Variants in PCDHGB4 observed in about 807,000 individuals in gnomAD.
PCDHGB4 encodes protocadherin gamma-B4.
In PCDHGB4, 38 loss-of-function variants were observed where a neutral mutation model predicts 60.5. The ratio of observed to expected loss-of-function variants is 0.63; its 90% CI spans 0.48 to 0.82. The LOEUF (loss-of-function observed/expected upper bound fraction) is 0.82, where lower values mean the gene tolerates loss of function less well. PCDHGB4 is among the 40% of genes least tolerant of loss of function. The pLI, the probability that PCDHGB4 is intolerant of heterozygous loss-of-function variation, is 0.00. For missense variants in PCDHGB4, 1,109 were observed against 1,209.6 expected, an observed-to-expected ratio of 0.92 and a Z score of 1.23; for synonymous variants, 456 against 509.7, an observed-to-expected ratio of 0.89 and a Z score of 1.42.
At chr5:141,482,606 T>G (rs2099569173) in intron 1 of PCDHGB4, among the ~76,000 whole-genome samples, 1 of 146,712 alleles carries the variant, frequency 6.8e-6, no homozygotes, top group African/African-American at 2.6e-5. Context: ...AAAAAACACC[T>G]AAATGAGCCT....
chr5:141,444,463 G>A (rs570185430), intron 1 of PCDHGB4, among the ~76,000 whole-genome samples: 10 of 152,026 alleles, frequency 6.6e-5, no homozygotes, highest in Admixed American at 1.3e-4. Context: ...GAGTCACTGC[G>A]CCCGGTCGCG....
chr5:141,413,962 AC>A, intron 1 of PCDHGB4: 1 of 1,613,404 alleles, frequency 6.2e-7, no homozygotes, highest in Non-Finnish European at 8.5e-7. Context: ...GCCTGTGGGC[AC>A]TCAGCTGCTG....
At position 141,431,413 on chromosome 5, in the gene PCDHGB4, C is replaced by A; in HGVS notation, c.2397+41132C>A. ...TGGTCCTTACGGCCTCCGACGGGGG[C>A]GACCCGGTGCGCACAGGCACCGCGC... On this transcript the variant is annotated intron_variant, in intron 1 of 3. Transcript: ENST00000519479. This position sits in a 1 kb window ranked among gnomAD's most constrained non-coding sequence, Gnocchi z 4.8. The A allele has an allele frequency of 6.2e-7, 1 of 1,613,682 alleles. No homozygotes were observed. Among genetic ancestry groups the A allele is most frequent in the Non-Finnish European group, 8.5e-7 (1 of 1,180,044 alleles).
intron 1 of PCDHGB4, among the ~76,000 whole-genome samples, chr5:141,469,392 T>C (rs2099199760): frequency 6.6e-6 from 1 of 152,046 alleles, no homozygotes; most frequent in South Asian, 2.1e-4. Flanking sequence ...CTGGCCAACA[T>C]GGTGAAACCC....
chr5:141,414,995 G>C (rs1431326081), intron 1 of PCDHGB4: 14 of 1,613,640 alleles, frequency 8.7e-6, no homozygotes, highest in Non-Finnish European at 1.2e-5. Context: ...CAGAACGCCT[G>C]GCTGTCCTAC....
intron 1 of PCDHGB4, chr5:141,419,406 C>A (rs367731612): frequency 1.9e-6 from 3 of 1,613,404 alleles, no homozygotes; most frequent in Non-Finnish European, 2.5e-6. Context: ...GTGGTGTTCG[C>A]GCAGCGCGCC....
At chr5:141,422,379 C>G (rs2096644662) in intron 1 of PCDHGB4, 1 of 1,576,826 alleles carries the variant, frequency 6.3e-7, no homozygotes, top group East Asian at 2.2e-5. Flanking sequence ...GTCAAGTCTC[C>G]TGTTTTATTC....
At chr5:141,449,016 C>T (rs2098623330) in intron 1 of PCDHGB4, among the ~76,000 whole-genome samples, 1 of 152,008 alleles carries the variant, frequency 6.6e-6, no homozygotes, top group African/African-American at 2.4e-5. Context: ...TTAACAGTTG[C>T]TTAGCATTCC....
intron 1 of PCDHGB4, chr5:141,410,783 T>C (rs2095423369): frequency 1.1e-6 from 1 of 919,042 alleles, no homozygotes; most frequent in East Asian, 2.7e-5. Flanking sequence ...ACTATGTATT[T>C]GGTTCATAAG....
At chr5:141,480,178 C>T (rs143309515) in intron 1 of PCDHGB4, among the ~76,000 whole-genome samples, 346 of 150,752 alleles carry the variant, frequency 2.3e-3, no homozygotes, top group Non-Finnish European at 2.8e-3. Flanking sequence ...CTGAGGCAGG[C>T]GGATTGCTTG....
intron 1 of PCDHGB4, chr5:141,394,299 C>G: frequency 6.2e-7 from 1 of 1,614,002 alleles, no homozygotes; most frequent in Middle Eastern, 1.6e-4. Context: ...CGAGGACACG[C>G]TGCAGGGGGC....
At position 141,476,903 on chromosome 5, in the gene PCDHGB4, G is replaced by C; in HGVS notation, c.2398-17904G>C. On this transcript the variant is annotated intron_variant, in intron 1 of 3. Transcript: ENST00000519479. The surrounding 1 kb of genome is among the most constrained non-coding windows in gnomAD (Gnocchi z 7.6). Reference sequence around the variant, plus strand: ...GGAGGATGCACCCTCCGGCACGCGCGTGGTACAAGTCCTTGCAACGGATCT... The same window carrying C: ...GGAGGATGCACCCTCCGGCACGCGCCTGGTACAAGTCCTTGCAACGGATCT... The C allele has an allele frequency of 1.2e-6, 2 of 1,614,018 alleles. No individual in the cohort carries two copies. Among genetic ancestry groups the C allele is most frequent in the Non-Finnish European group, 1.7e-6 (2 of 1,180,044 alleles).
chr5:141,402,319 C>G lies in PCDHGB4; in HGVS notation c.2397+12038C>G, dbSNP rs181180510. On this transcript the variant is annotated intron_variant, in intron 1 of 3. Transcript: ENST00000519479. ...TGTATTAATACAATTATATATTTTA[C>G]ATTTACAAATATATAGGTATAAAAA... Among the ~76,000 whole-genome samples, 14 of 151,934 alleles carry G rather than the reference C, an allele frequency of 9.2e-5. No individual in the cohort carries two copies. In the East Asian group the frequency reaches 2.7e-3, roughly 29 times the overall value.
At chr5:141,393,459 G>C (rs988813968) in intron 1 of PCDHGB4, 1 of 1,613,928 alleles carries the variant, frequency 6.2e-7, no homozygotes, top group Non-Finnish European at 8.5e-7. Flanking sequence ...CACGGCCTCG[G>C]ATGGCGGCAA....
chr5:141,428,354 T>G, intron 1 of PCDHGB4: 1 of 572,018 alleles, frequency 1.7e-6, no homozygotes. Context: ...GCAGTGATTT[T>G]GGCGGTCGCC....
intron 1 of PCDHGB4, chr5:141,409,182 T>C: frequency 6.2e-7 from 1 of 1,614,006 alleles, no homozygotes; most frequent in East Asian, 2.2e-5. Context: ...GGAGGTGGTC[T>C]CTCTACCCAG....
Position 141,389,801 on chromosome 5 carries a change from C to T in PCDHGB4, c.1917C>T (p.Arg639=). The T allele has an allele frequency of 6.2e-7, 1 of 1,613,766 alleles. No homozygotes were observed. Among genetic ancestry groups the T allele is most frequent in the South Asian group, 1.1e-5 (1 of 91,068 alleles). ...ALGDRDAVRQ[R]LLVAVRDGGQ... ...GCGACAGGGACGCCGTCCGCCAGCGCCTTCTGGTCGCCGTGCGTGACGGTG... is the reference window on the plus strand; with the variant it reads ...GCGACAGGGACGCCGTCCGCCAGCGTCTTCTGGTCGCCGTGCGTGACGGTG... Residue 639 remains arginine, a synonymous_variant, in exon 1 of 4, where the codon CGC becomes CGT. Coordinates refer to ENST00000519479, the MANE Select transcript of PCDHGB4 (RefSeq NM_003736.4).
At chr5:141,470,508 G>A (rs947583701) in intron 1 of PCDHGB4, among the ~76,000 whole-genome samples, 10 of 152,176 alleles carry the variant, frequency 6.6e-5, no homozygotes, top group African/African-American at 2.4e-4. Flanking sequence ...TAATTAGACA[G>A]TTAGCTAATA....
intron 1 of PCDHGB4, chr5:141,419,861 T>G (rs749551833): frequency 6.2e-7 from 1 of 1,614,098 alleles, no homozygotes; most frequent in Non-Finnish European, 8.5e-7. Context: ...CGCAGATAGC[T>G]TGCAAGAGGT....
Sources: allele counts gnomAD v4.1 joint callset (sites outside exome capture counted in the v4.1 genomes callset), GRCh38; gene constraint gnomAD v4.1.1; non-coding constraint Gnocchi (gnomAD v3.1); transcripts MANE v1.5; gene names NCBI Gene and HGNC (gene_info 2026-07-23, HGNC 2026-07-21).